TENM3: variants seen among roughly 807,000 people sequenced by gnomAD.
TENM3 encodes teneurin transmembrane protein 3, also known as teneurin-3.
A neutral mutation model predicts 255.1 loss-of-function variants in TENM3; 63 were observed. That is an observed-to-expected ratio of 0.25 (90% CI 0.20 to 0.30). The LOEUF is 0.30. Among genes scored for constraint, TENM3 ranks in the 10% least tolerant of loss-of-function variants. TENM3 has a pLI of 1.00. For synonymous variants in TENM3, 1,306 were observed against 1,322.3 expected, an observed-to-expected ratio of 0.99 and a Z score of 0.27; for missense variants, 2,929 against 3,461.1, an observed-to-expected ratio of 0.85 and a Z score of 3.86.
intron 3 of TENM3, among the ~76,000 whole-genome samples, chr4:182,529,552 G>A (rs1041469165): frequency 2.0e-5 from 3 of 151,844 alleles, no homozygotes; most frequent in South Asian, 2.1e-4. Context: ...TTTCTTCTAC[G>A]TAGTATAAAT....
intron 2 of TENM3, among the ~76,000 whole-genome samples, chr4:182,325,753 A>T (rs912468554): frequency 9.9e-5 from 15 of 152,208 alleles, no homozygotes; most frequent in East Asian, 5.8e-4. Context: ...AAAAAAAAAT[A>T]AAAAAATTAA....
intron 3 of TENM3, among the ~76,000 whole-genome samples, chr4:182,441,011 G>A (rs1772436780): frequency 6.6e-6 from 1 of 152,054 alleles, no homozygotes; most frequent in South Asian, 2.1e-4. Flanking sequence ...AGTAAACAAT[G>A]TAAAACATTG....
At chr4:181,667,281 A>G in the TENM3 span, among the ~76,000 whole-genome samples, 1 of 152,030 alleles carries the variant, frequency 6.6e-6, no homozygotes, top group South Asian at 2.1e-4. Context: ...ATGTCTTCTA[A>G]TTCTGTCCCA....
the TENM3 span, among the ~76,000 whole-genome samples, chr4:181,880,160 G>C: frequency 2.0e-5 from 3 of 152,052 alleles, no homozygotes; most frequent in African/African-American, 7.2e-5. Flanking sequence ...CCAGCCAAAG[G>C]CACCTTCCTC....
At chr4:182,354,990 G>A (rs934812444) in intron 3 of TENM3, among the ~76,000 whole-genome samples, 6 of 152,196 alleles carry the variant, frequency 3.9e-5, no homozygotes, top group South Asian at 2.1e-4. Flanking sequence ...ATTCCCTGAC[G>A]TCTAGAAGCT....
the TENM3 span, among the ~76,000 whole-genome samples, chr4:181,459,671 G>A: frequency 7.8e-4 from 119 of 151,812 alleles, 1 homozygote; most frequent in African/African-American, 2.7e-3. Context: ...ACTCTATTCC[G>A]TGCCATTGAT....
the TENM3 span, among the ~76,000 whole-genome samples, chr4:181,785,545 GAAAATCC>G: frequency 6.6e-6 from 1 of 151,954 alleles, no homozygotes; most frequent in Non-Finnish European, 1.5e-5. Context: ...TCCCTATTCC[GAAAATCC>G]AAAATCCAAA....
At chr4:182,654,614 A>C (rs1198699876) in intron 6 of TENM3, among the ~76,000 whole-genome samples, 1 of 152,120 alleles carries the variant, frequency 6.6e-6, no homozygotes, top group Non-Finnish European at 1.5e-5. Context: ...ATCCTGATGA[A>C]GACGCCTTTT....
chr4:181,839,500 A>G, the TENM3 span, among the ~76,000 whole-genome samples: 1,827 of 147,532 alleles, frequency 0.012, 15 homozygotes, highest in Non-Finnish European at 0.019. Context: ...AATATATAAT[A>G]CATATGATAT....
chr4:182,327,406 A>G (rs1029577992), intron 2 of TENM3, among the ~76,000 whole-genome samples: 2 of 152,228 alleles, frequency 1.3e-5, no homozygotes, highest in Non-Finnish European at 2.9e-5. Context: ...GGCTGGAGAA[A>G]GGGACAAGCA....
chr4:182,694,603 T>C (rs572428069), intron 12 of TENM3, among the ~76,000 whole-genome samples: 1 of 152,346 alleles, frequency 6.6e-6, no homozygotes, highest in South Asian at 2.1e-4. Flanking sequence ...AGAGCAGCTA[T>C]TTGTTTTTAT....
the TENM3 span, among the ~76,000 whole-genome samples, chr4:181,536,482 T>A: frequency 6.6e-6 from 1 of 152,188 alleles, no homozygotes; most frequent in South Asian, 2.1e-4. Flanking sequence ...CACACATATA[T>A]GTTAGAGTTG....
At chr4:182,374,069 T>A (rs1319520954) in intron 3 of TENM3, among the ~76,000 whole-genome samples, 1 of 152,170 alleles carries the variant, frequency 6.6e-6, no homozygotes, top group Non-Finnish European at 1.5e-5. Context: ...GAAGTAACTC[T>A]AACGGGAGCT....
intron 1 of TENM3, among the ~76,000 whole-genome samples, chr4:182,147,282 G>A (rs768702186): frequency 1.5e-4 from 23 of 152,122 alleles, no homozygotes; most frequent in Admixed American, 2.6e-4. Flanking sequence ...AAAAAATGAT[G>A]TCTTTGCAAT....
At chr4:182,768,659 C>T (rs17074048) in intron 22 of TENM3, among the ~76,000 whole-genome samples, 32,150 of 151,934 alleles carry the variant, frequency 0.21, 3,830 homozygotes, top group African/African-American at 0.29. Flanking sequence ...TGTGATTCTC[C>T]GAGGCATTTG....
the TENM3 span, among the ~76,000 whole-genome samples, chr4:181,605,542 GAAA>G: frequency 1.5e-3 from 40 of 25,824 alleles, no homozygotes; most frequent in African/African-American, 3.0e-3. Context: ...AAGAAAGAAA[GAAA>G]GAAAGAAAGA....
chr4:181,799,537 T>C, the TENM3 span, among the ~76,000 whole-genome samples: 1 of 152,256 alleles, frequency 6.6e-6, no homozygotes. Flanking sequence ...AGCATGATCA[T>C]TTCTTACAAT....
intron 1 of TENM3, among the ~76,000 whole-genome samples, chr4:182,203,765 C>T (rs796918442): frequency 1.4e-4 from 22 of 152,264 alleles, no homozygotes; most frequent in African/African-American, 5.1e-4. Flanking sequence ...GGCCCCTCAT[C>T]GTGGGCACAG....
At chr4:182,075,312 C>T in the TENM3 span, among the ~76,000 whole-genome samples, 1 of 151,236 alleles carries the variant, frequency 6.6e-6, no homozygotes, top group Non-Finnish European at 1.5e-5. Context: ...GATTCTCCTG[C>T]CTCAGCCTCC....
Sources: allele counts gnomAD v4.1 joint callset (sites outside exome capture counted in the v4.1 genomes callset), GRCh38; gene constraint gnomAD v4.1.1; transcripts MANE v1.5; gene names NCBI Gene and HGNC (gene_info 2026-07-23, HGNC 2026-07-21).